SPIB: variants seen among roughly 807,000 people sequenced by gnomAD.
The protein encoded by SPIB is Spi-B transcription factor.
In SPIB, 7 loss-of-function variants were observed where a neutral mutation model predicts 31.9. The ratio of observed to expected loss-of-function variants is 0.22; its 90% CI spans 0.12 to 0.41. SPIB has a LOEUF of 0.41. Among genes scored for constraint, SPIB ranks in the 10% least tolerant of loss-of-function variants. The pLI, the probability that SPIB is intolerant of heterozygous loss-of-function variation, is 1.00. For synonymous variants in SPIB, 176 were observed against 158.9 expected (o/e 1.11, Z -0.81); for missense variants, 327 against 360.2 (o/e 0.91, Z 0.75).
chr19:50,428,026 A>G lies in SPIB; in HGVS notation c.491-12A>G. ...ACCCCTCACCTAACGCGTGCCCCCG[A>G]CCCCACCGCAGGGACTCGCAAGAAG... On this transcript the variant is annotated splice_polypyrimidine_tract_variant and intron_variant, in intron 5 of 5. Transcript: ENST00000595883. The surrounding 1 kb of genome is among the most constrained non-coding windows in gnomAD (Gnocchi z 6.5). 1 of 1,499,130 alleles carries G rather than the reference A, an allele frequency of 6.7e-7. No individual in the cohort carries two copies. Among genetic ancestry groups the G allele is most frequent in the Non-Finnish European group, 9.0e-7 (1 of 1,117,068 alleles). The allele number at this position is 1,499,130 out of a possible 1,614,324, so 92.9% of individuals were successfully genotyped here.
chr19:50,428,127 G>A lies in SPIB; in HGVS notation c.580G>A (p.Gly194Ser). Residue 194 changes from glycine (G) to serine (S), a missense_variant, in exon 6 of 6, where the codon GGC becomes AGC. This residue lies in a region of SPIB where 54 missense variants were observed against 69.5 expected (regional missense o/e 0.78). Transcript: ENST00000595883. The surrounding 1 kb of genome is among the most constrained non-coding windows in gnomAD (Gnocchi z 6.5). The part of the protein sequence containing the change: ...MRECVWWVEP[G>S]AGVFQFSSKH... ...TGAGTGCGTGTGGTGGGTGGAGCCA[G>A]GCGCCGGCGTCTTCCAGTTCTCCTC... 6.3e-7 allele frequency: 1 copy of A among 1,584,056 alleles called. No individual in the cohort carries two copies.
rs1601259029 is a variant in SPIB, at chr19:50,419,782, C to T, written c.24-164C>T. Reference sequence around the variant, plus strand: ...CCCCCCCACCCCCCACTTCCTGTCCCAGCAGGGGGTAGTGGGGGAGTCCGG... The same window carrying T: ...CCCCCCCACCCCCCACTTCCTGTCCTAGCAGGGGGTAGTGGGGGAGTCCGG... On this transcript the variant is annotated intron_variant, in intron 1 of 5. Transcript: ENST00000595883. 2.2e-5 allele frequency: 13 copies of T among 601,446 alleles called. No homozygotes were observed. In the East Asian group the frequency reaches 4.5e-4, roughly 21 times the overall value. The allele number at this position is 601,446 out of a possible 1,614,324, so 37.3% of individuals were successfully genotyped here. A position where few individuals can be genotyped will look rare whatever the true frequency, so the allele number is the denominator to read the frequency against.
In SPIB at chr19:50,419,950, G is replaced by A. The variant is rs199589115; in HGVS notation, c.28G>A (p.Asp10Asn). The change falls in exon 2 of 6, where the codon GAC becomes AAC. Residue 10 changes from aspartate (D) to asparagine (N), a missense_variant. This residue lies in a region of SPIB where 238 missense variants were observed against 228.8 expected (regional missense o/e 1.04). Transcript: ENST00000595883. ...CCTGTGTCTCTCCCCCTCCAGGCTC[G>A]ACGGGCCACACTTCAGCTGTCTGGT... Reference protein sequence around the residue: MLALEAAQLDGPHFSCLYPD... With the variant: MLALEAAQLNGPHFSCLYPD... 2.2e-4 allele frequency: 337 copies of A among 1,525,230 alleles called. 1 individual carries two copies. In the East Asian group the frequency reaches 6.6e-3, roughly 30 times the overall value. 94.5% of individuals were successfully genotyped at this position (1,525,230 alleles called of 1,614,324 possible). A position where few individuals can be genotyped will look rare whatever the true frequency, so the allele number is the denominator to read the frequency against.
chr19:50,419,937 C>T lies in SPIB; in HGVS notation c.24-9C>T, dbSNP rs2039471883. ...GCCTCAGCATGCCCCTGTGTCTCTC[C>T]CCCTCCAGGCTCGACGGGCCACACT... is the stretch of plus-strand genomic sequence containing the variant. On this transcript the variant is annotated splice_polypyrimidine_tract_variant and intron_variant, in intron 1 of 5. Coordinates refer to ENST00000595883, the MANE Select transcript of SPIB (RefSeq NM_003121.5). The T allele has an allele frequency of 2.0e-6, 3 of 1,537,696 alleles. No homozygotes were observed. The highest frequency in any genetic ancestry group is 1.2e-5 in the South Asian group (1 of 80,236).
chr19:50,422,401 A>G, intron 2 of SPIB, 72 bp from the exon 3 acceptor site: 2 of 1,398,852 alleles, frequency 1.4e-6, no homozygotes, highest in Non-Finnish European at 2.0e-6. Flanking sequence ...AGTCTCCCCA[A>G]GGGTCCAGGG....
At position 50,422,494 on chromosome 19, in the gene SPIB, G is replaced by T. The variant is rs372017707; in HGVS notation, c.73G>T (p.Asp25Tyr). ...TCAGTACCCAGATGGCGTCTTCTAT[G>T]ACCTGGACAGCTGCAAGCATTCCAG... ...SCLYPDGVFY[D>Y]LDSCKHSSYP... The change falls in exon 3 of 6, where the codon GAC becomes TAC. Residue 25 changes from aspartate to tyrosine, a missense_variant. Asp to Tyr is a radical substitution (Grantham distance 160). This residue lies in a region of SPIB where 238 missense variants were observed against 228.8 expected (regional missense o/e 1.04). Transcript: ENST00000595883. The T allele has an allele frequency of 6.8e-6, 11 of 1,613,898 alleles. No homozygotes were observed. Among genetic ancestry groups the T allele is most frequent in the African/African-American group, 1.3e-5 (1 of 74,918 alleles).
At chr19:50,422,274 G>C (rs2039505126) in intron 2 of SPIB, among the ~76,000 whole-genome samples, 199 bp from the exon 3 acceptor site, 1 of 152,180 alleles carries the variant, frequency 6.6e-6, no homozygotes, top group Non-Finnish European at 1.5e-5. Context: ...CTATTGGGTT[G>C]TGTCTCTACT....
intron 5 of SPIB, among the ~76,000 whole-genome samples, chr19:50,425,031 G>C (rs890641238): frequency 5.9e-5 from 9 of 151,946 alleles, no homozygotes; most frequent in African/African-American, 1.7e-4. Flanking sequence ...TTTTGAGACA[G>C]AGTCTCGCTC....
chr19:50,422,462 C>T lies in SPIB; in HGVS notation c.52-11C>T. 2 of 1,613,800 alleles carry T rather than the reference C, an allele frequency of 1.2e-6. No individual in the cohort carries two copies. The highest frequency in any genetic ancestry group is 1.7e-4 in the Middle Eastern group (1 of 6,054). On this transcript the variant is annotated splice_polypyrimidine_tract_variant and intron_variant, in intron 2 of 5. Coordinates refer to ENST00000595883, the MANE Select transcript of SPIB (RefSeq NM_003121.5). ...GGGATGACCCCTCTTCCCTCCTGCA[C>T]CCCGTATCAGTACCCAGATGGCGTC...
At position 50,428,252 on chromosome 19, in the gene SPIB, C is replaced by T. The variant is rs370525147; in HGVS notation, c.705C>T (p.Ala235=). 1.3e-4 allele frequency: 201 copies of T among 1,555,808 alleles called. No homozygotes were observed. The highest frequency in any genetic ancestry group is 1.7e-4 in the Non-Finnish European group (198 of 1,149,362). The change falls in exon 6 of 6, where the codon GCC becomes GCT. Residue 235 remains alanine, a synonymous_variant. Transcript: ENST00000595883. The surrounding 1 kb of genome is among the most constrained non-coding windows in gnomAD (Gnocchi z 6.5). ...QKLARALRNY[A]KTGEIRKVKR... ...TGGCGCGCGCCCTCCGAAACTACGC[C>T]AAGACCGGCGAGATCCGCAAGGTCA...
chr19:50,424,137 C>T (rs1259519685), intron 5 of SPIB, among the ~76,000 whole-genome samples: 1 of 152,132 alleles, frequency 6.6e-6, no homozygotes, highest in African/African-American at 2.4e-5. Flanking sequence ...CAACCCTTGC[C>T]CCCTGCCCGT....
In SPIB at chr19:50,424,457, G is replaced by C. The variant is rs144659667; in HGVS notation, c.490+702G>C. ...AGGTCAGGAGTTCGAGACCAGCCTG[G>C]CCAACATGGCAAAACCCCGTCTCTA... On this transcript the variant is annotated intron_variant, in intron 5 of 5. Transcript: ENST00000595883. Among the ~76,000 whole-genome samples, 858 of 152,112 alleles carry C rather than the reference G, an allele frequency of 5.6e-3. 4 individuals carry two copies. Among genetic ancestry groups the C allele is most frequent in the African/African-American group, 0.019 (772 of 41,490 alleles).
chr19:50,419,818 G>A (rs2039468448), intron 1 of SPIB, 128 bp from the exon 2 acceptor site: 3 of 909,390 alleles, frequency 3.3e-6, no homozygotes, highest in Non-Finnish European at 4.7e-6. Context: ...TGAATGTGGT[G>A]GGGCTGGTCC....
intron 5 of SPIB, among the ~76,000 whole-genome samples, chr19:50,426,184 G>C (rs140485354): frequency 5.3e-5 from 8 of 152,084 alleles, no homozygotes; most frequent in Admixed American, 5.2e-4. Context: ...ACTCCAGCCT[G>C]GGCAACAGAG....
At chr19:50,427,977 G>C (rs2039589733) in intron 5 of SPIB, 61 bp from the exon 6 acceptor site, 1 of 1,441,508 alleles carries the variant, frequency 6.9e-7, no homozygotes, top group African/African-American at 1.4e-5. Flanking sequence ...GAGGAGGGTG[G>C]ATGGGGAAGG....
At chr19:50,419,692 A>G (rs1405630101) in intron 1 of SPIB, among the ~76,000 whole-genome samples, 3 of 151,714 alleles carry the variant, frequency 2.0e-5, no homozygotes, top group Admixed American at 2.0e-4. Flanking sequence ...TCTCTCCCTC[A>G]CTTTCCCTGC....
intron 1 of SPIB, among the ~76,000 whole-genome samples, chr19:50,419,698 C>G (rs1240152577): frequency 6.6e-6 from 1 of 152,230 alleles, no homozygotes; most frequent in Non-Finnish European, 1.5e-5. Context: ...CCTCACTTTC[C>G]CTGCCCCTCC....
rs1190681566 is a variant in SPIB at position 50,428,293 on chromosome 19, A to T, written c.746A>T (p.Tyr249Phe). ...CGCAAGGTCAAGCGCAAGCTCACCT[A>T]CCAGTTCGACAGCGCGCTGCTGCCT... ...EIRKVKRKLT[Y>F]QFDSALLPAV... is the part of the protein sequence containing the mutation. Residue 249 changes from tyrosine (Y) to phenylalanine (F), a missense_variant, in exon 6 of 6, where the codon TAC (tyrosine) becomes TTC (phenylalanine). Around this residue, in one of 4 missense-constraint regions of SPIB, gnomAD observed 25 missense variants for 23.2 expected, o/e 1.08. Coordinates refer to ENST00000595883, the MANE Select transcript of SPIB (RefSeq NM_003121.5). The surrounding 1 kb of genome is among the most constrained non-coding windows in gnomAD (Gnocchi z 6.5). The T allele has an allele frequency of 6.4e-7, 1 of 1,550,638 alleles. No individual in the cohort carries two copies.
intron 5 of SPIB, among the ~76,000 whole-genome samples, chr19:50,427,816 A>T (rs1393590132): frequency 8.9e-6 from 1 of 112,988 alleles, no homozygotes; most frequent in Non-Finnish European, 1.8e-5. Flanking sequence ...CAGAACGCGG[A>T]GGGGGCCTGG....
Sources: allele counts gnomAD v4.1 joint callset (sites outside exome capture counted in the v4.1 genomes callset), GRCh38; gene constraint gnomAD v4.1.1; regional missense constraint gnomAD v4.1.1; non-coding constraint Gnocchi (gnomAD v3.1); transcripts MANE v1.5; gene names NCBI Gene and HGNC (gene_info 2026-07-23, HGNC 2026-07-21).